DENND1A: variants seen among roughly 807,000 people sequenced by gnomAD.
The protein encoded by DENND1A is DENN domain-containing protein 1A.
A neutral mutation model predicts 113.7 loss-of-function variants in DENND1A; 51 were observed. That is an observed-to-expected ratio of 0.45 (90% CI 0.36 to 0.57). The LOEUF is 0.57. Among genes scored for constraint, DENND1A ranks in the 20% least tolerant of loss-of-function variants. The pLI, the probability that DENND1A is intolerant of heterozygous loss-of-function variation, is 0.00. For synonymous variants in DENND1A, 565 were observed against 570.8 expected, an observed-to-expected ratio of 0.99 and a Z score of 0.14; for missense variants, 1,258 against 1,395.9, an observed-to-expected ratio of 0.90 and a Z score of 1.57.
chr9:123,916,322 C>T (rs1855117691), intron 1 of DENND1A, among the ~76,000 whole-genome samples: 1 of 150,470 alleles, frequency 6.6e-6, no homozygotes, highest in South Asian at 2.1e-4. Flanking sequence ...AATGCTATCA[C>T]TTATCTGAGG....
chr9:123,808,913 C>CT (rs1474074619), intron 2 of DENND1A, among the ~76,000 whole-genome samples: 42 of 152,320 alleles, frequency 2.8e-4, no homozygotes, highest in Admixed American at 1.7e-3. Flanking sequence ...CTGGCTCACT[C>CT]TATCTCTCTC....
intron 19 of DENND1A, among the ~76,000 whole-genome samples, chr9:123,438,850 G>A (rs1308215982): frequency 6.6e-6 from 1 of 152,216 alleles, no homozygotes; most frequent in African/African-American, 2.4e-5. Flanking sequence ...GAAATGGAAA[G>A]AAGGTCTTTC....
At chr9:123,390,517 C>A (rs1344300170) in intron 21 of DENND1A, among the ~76,000 whole-genome samples, 1 of 152,242 alleles carries the variant, frequency 6.6e-6, no homozygotes, top group Non-Finnish European at 1.5e-5. Context: ...CTACCCCTCA[C>A]AAGAGCCTAA....
chr9:123,764,178 A>C lies in DENND1A; in HGVS notation c.182+5336T>G, dbSNP rs2071272887. Reference sequence around the variant, plus strand: ...TCAGAATAATCACATCACTTTGCAGAGTGGTTGCAGATTAGAGATAATGTA... The same window carrying C: ...TCAGAATAATCACATCACTTTGCAGCGTGGTTGCAGATTAGAGATAATGTA... On this transcript the variant is annotated intron_variant, in intron 4 of 23. Coordinates refer to ENST00000394215, the MANE Select transcript of DENND1A (RefSeq NM_001352964.2). This position sits in a 1 kb window ranked among gnomAD's most constrained non-coding sequence, Gnocchi z 4.1. Among the ~76,000 whole-genome samples the C allele has an allele frequency of 6.6e-6, 1 of 152,188 alleles. No homozygotes were observed. Among genetic ancestry groups the C allele is most frequent in the African/African-American group, 2.4e-5 (1 of 41,442 alleles).
At chr9:123,384,251 C>T (rs1394136198) in intron 22 of DENND1A, among the ~76,000 whole-genome samples, 1 of 152,220 alleles carries the variant, frequency 6.6e-6, no homozygotes, top group African/African-American at 2.4e-5. Flanking sequence ...ACAGACAGGA[C>T]TGGAAGGGGG....
chr9:123,884,492 C>A (rs568017688), intron 1 of DENND1A, among the ~76,000 whole-genome samples: 2 of 152,116 alleles, frequency 1.3e-5, no homozygotes, highest in African/African-American at 4.8e-5. Flanking sequence ...CCTAACCCTG[C>A]CCACCTGCCA....
At chr9:123,435,366 A>T (rs908717400) in intron 19 of DENND1A, among the ~76,000 whole-genome samples, 14 of 152,312 alleles carry the variant, frequency 9.2e-5, no homozygotes, top group African/African-American at 3.4e-4. Context: ...ACGCAGAGAC[A>T]AGCCGGCAAC....
intron 3 of DENND1A, among the ~76,000 whole-genome samples, chr9:123,777,230 C>CA (rs1388943075): frequency 1.3e-5 from 2 of 152,210 alleles, no homozygotes; most frequent in Non-Finnish European, 2.9e-5. Flanking sequence ...CTCCAGTATG[C>CA]AGTCATTGGA....
intron 13 of DENND1A, among the ~76,000 whole-genome samples, chr9:123,506,395 A>T (rs1046525101): frequency 6.6e-6 from 1 of 152,054 alleles, no homozygotes; most frequent in Non-Finnish European, 1.5e-5. Context: ...CATCCTGGGC[A>T]ACATGGTGAA....
intron 13 of DENND1A, among the ~76,000 whole-genome samples, chr9:123,547,048 T>C (rs186151178): frequency 1.3e-5 from 2 of 152,330 alleles, no homozygotes; most frequent in Non-Finnish European, 1.5e-5. Context: ...TCCCAGTTCA[T>C]TGATCATTTA....
rs1271630032 is a variant in DENND1A at position 123,381,783 on chromosome 9, G to A, written c.2862C>T (p.Pro954=). 6.6e-7 allele frequency: 1 copy of A among 1,516,418 alleles called. No homozygotes were observed. The highest frequency in any genetic ancestry group is 2.2e-5 in the Admixed American group (1 of 44,844). The allele number at this position is 1,516,418 out of a possible 1,614,324, so 93.9% of individuals were successfully genotyped here. A position where few individuals can be genotyped will look rare whatever the true frequency, so the allele number is the denominator to read the frequency against. The part of the protein sequence containing the change: ...SQPNLSALSM[P]NLFGQMPMGT... ...CCATGGGCATCTGGCCAAAGAGGTT[G>A]GGCATGGAGAGGGCGGAGAGGTTGG... Residue 954 remains proline, a synonymous_variant, in exon 24 of 24, where the codon CCC becomes CCT. Coordinates refer to ENST00000394215, the MANE Select transcript of DENND1A (RefSeq NM_001352964.2). The surrounding 1 kb of genome is among the most constrained non-coding windows in gnomAD (Gnocchi z 4.7).
intron 10 of DENND1A, among the ~76,000 whole-genome samples, chr9:123,626,587 T>C (rs372717321): frequency 2.8e-4 from 42 of 152,174 alleles, no homozygotes; most frequent in African/African-American, 7.2e-4. Context: ...CCTCTCTGAG[T>C]GTCAGTGTCT....
chr9:123,426,506 G>C lies in DENND1A; in HGVS notation c.1488+13854C>G, dbSNP rs375763278. 2.1e-4 allele frequency among the ~76,000 whole-genome samples: 32 copies of C among 152,326 alleles called. No individual in the cohort carries two copies. In the East Asian group the frequency reaches 5.2e-3, roughly 25 times the overall value. ...AAGGTGGTGCTAGAAACCACAGGTAGAGCTCCTCGTGGCTGCTAAGGGAGT... is the reference window on the plus strand; with the variant it reads ...AAGGTGGTGCTAGAAACCACAGGTACAGCTCCTCGTGGCTGCTAAGGGAGT... On this transcript the variant is annotated intron_variant, in intron 19 of 23. Transcript: ENST00000394215.
At chr9:123,664,636 T>C (rs2139792970) in intron 8 of DENND1A, among the ~76,000 whole-genome samples, 1 of 152,260 alleles carries the variant, frequency 6.6e-6, no homozygotes, top group African/African-American at 2.4e-5. Context: ...TTGTTTAGTG[T>C]CCTCATTGTC....
In DENND1A at chr9:123,757,693, T is replaced by C. The variant is rs200784411; in HGVS notation, c.302+10A>G. On this transcript the variant is annotated intron_variant, in intron 5 of 23. Coordinates refer to ENST00000394215, the MANE Select transcript of DENND1A (RefSeq NM_001352964.2). The stretch of plus-strand genomic sequence containing the variant: ...GAGAACAAGCCAACAGCCCAAGCCT[T>C]CTCCCTTACCTTAAGATACAGAAGC... 5.6e-6 allele frequency: 9 copies of C among 1,613,320 alleles called. No individual in the cohort carries two copies. Among genetic ancestry groups the C allele is most frequent in the Non-Finnish European group, 6.8e-6 (8 of 1,179,610 alleles).
intron 13 of DENND1A, among the ~76,000 whole-genome samples, chr9:123,478,988 C>T (rs185704009): frequency 1.3e-5 from 2 of 152,328 alleles, no homozygotes; most frequent in Non-Finnish European, 1.5e-5. Context: ...ACACCTATTA[C>T]AGGCTAGGCA....
intron 5 of DENND1A, among the ~76,000 whole-genome samples, chr9:123,724,672 G>A (rs570350487): frequency 5.3e-5 from 8 of 152,234 alleles, no homozygotes; most frequent in Admixed American, 2.0e-4. Flanking sequence ...CTTCAAGGCT[G>A]TGCCACAGAA....
intron 5 of DENND1A, among the ~76,000 whole-genome samples, chr9:123,679,960 T>C (rs2064335077): frequency 1.3e-5 from 2 of 152,130 alleles, no homozygotes; most frequent in Admixed American, 6.5e-5. Context: ...GTTGGGACTA[T>C]GGTGGGCTCT....
intron 13 of DENND1A, among the ~76,000 whole-genome samples, chr9:123,494,570 G>C (rs1178930830): frequency 6.6e-6 from 1 of 152,180 alleles, no homozygotes; most frequent in Non-Finnish European, 1.5e-5. Flanking sequence ...TAAAAGTGCA[G>C]CTAAGAATAC....
Sources: allele counts gnomAD v4.1 joint callset (sites outside exome capture counted in the v4.1 genomes callset), GRCh38; gene constraint gnomAD v4.1.1; non-coding constraint Gnocchi (gnomAD v3.1); transcripts MANE v1.5; gene names NCBI Gene and HGNC (gene_info 2026-07-23, HGNC 2026-07-21).